The following FAT3 variants were observed in gnomAD, a reference collection of about 807,000 sequenced individuals.
The protein encoded by FAT3 is protocadherin Fat 3.
Under a neutral mutation model 310.2 loss-of-function variants are expected in FAT3, and 95 were observed. That is an observed-to-expected ratio of 0.31 (90% CI 0.26 to 0.36). The LOEUF (loss-of-function observed/expected upper bound fraction) is 0.36, where lower values mean the gene tolerates loss of function less well. FAT3 is among the 10% of genes least tolerant of loss of function. The pLI is 1.00. For missense variants in FAT3, 5,408 were observed against 5,715.6 expected (o/e 0.95, Z 1.74); for synonymous variants, 2,314 against 2,192.9 (o/e 1.06, Z -1.54).
Position 92,426,344 on chromosome 11 carries a change from G to A in FAT3, c.3292+70940G>A, listed in dbSNP as rs540225584. ...ATTATGTAGGTTGCCTGTTCACTCT[G>A]ATGATAGTTTCTTTTGCTGTGCAGA... On this transcript the variant is annotated intron_variant, in intron 2 of 27. Transcript: ENST00000525166. 4.6e-5 allele frequency among the ~76,000 whole-genome samples: 7 copies of A among 152,236 alleles called. No individual in the cohort carries two copies. The South Asian group carries it at 1.5e-3, about 32-fold the overall frequency.
chr11:92,307,267 C>T (rs577666739), intron 1 of FAT3, among the ~76,000 whole-genome samples: 22 of 151,298 alleles, frequency 1.5e-4, no homozygotes, highest in Non-Finnish European at 2.9e-4. Flanking sequence ...CATCCTGGCT[C>T]ATTTTCAAAA....
intron 3 of FAT3, among the ~76,000 whole-genome samples, chr11:92,564,297 T>C (rs12281855): frequency 0.15 from 22,618 of 150,862 alleles, 1,862 homozygotes; most frequent in East Asian, 0.29. Flanking sequence ...AGAAGGCCAT[T>C]ACATAATGGT....
At chr11:92,505,527 A>G (rs866644136) in intron 2 of FAT3, among the ~76,000 whole-genome samples, 10 of 152,176 alleles carry the variant, frequency 6.6e-5, no homozygotes, top group Middle Eastern at 3.2e-3. Flanking sequence ...ACAGAGCTAC[A>G]TCTGCCGCAG....
At chr11:92,859,039 G>A (rs940875893) in intron 20 of FAT3, 126 bp from the exon 21 acceptor site, 4 of 755,710 alleles carry the variant, frequency 5.3e-6, no homozygotes, top group Non-Finnish European at 7.8e-6. Context: ...TCTCCTCATT[G>A]CCTTCATTAA....
chr11:92,396,837 G>T (rs562025835), intron 2 of FAT3, among the ~76,000 whole-genome samples: 1 of 152,230 alleles, frequency 6.6e-6, no homozygotes, highest in African/African-American at 2.4e-5. Context: ...CTCCCAAGTA[G>T]CTGGGATTAC....
At chr11:92,489,591 G>T (rs536398687) in intron 2 of FAT3, among the ~76,000 whole-genome samples, 6 of 151,944 alleles carry the variant, frequency 3.9e-5, no homozygotes, top group African/African-American at 7.2e-5. Flanking sequence ...TTTTAAAAAA[G>T]TACAAAAAAA....
In FAT3 at chr11:92,353,061, G is replaced by C; in HGVS notation, c.949G>C (p.Glu317Gln). 6.2e-7 allele frequency: 1 copy of C among 1,613,702 alleles called. No homozygotes were observed. The highest frequency in any genetic ancestry group is 1.1e-5 in the South Asian group (1 of 91,078). Residue 317 changes from glutamate (E) to glutamine (Q), a missense_variant, in exon 2 of 28, where the codon GAA becomes CAA. Glu to Gln is a conservative substitution (Grantham distance 29). Around this residue, in one of 5 missense-constraint regions of FAT3, gnomAD observed 4,588 missense variants for 4,809.8 expected, o/e 0.95. Coordinates refer to ENST00000525166, the MANE Select transcript of FAT3 (RefSeq NM_001367949.2). ...TTTAGATCAGTTCTTCCTGGCTAAG[G>C]AAGGAAAGTGGTTGAATGAGTACAA... ...DPLDQFFLAK[E>Q]GKWLNEYKIK...
intron 1 of FAT3, among the ~76,000 whole-genome samples, chr11:92,261,170 C>T (rs1865538303): frequency 6.6e-6 from 1 of 151,864 alleles, no homozygotes; most frequent in South Asian, 2.1e-4. Context: ...TTTTCAGAGG[C>T]AAAATTATTT....
intron 1 of FAT3, among the ~76,000 whole-genome samples, chr11:92,303,070 GT>G (rs1309041590): frequency 6.6e-6 from 1 of 152,112 alleles, no homozygotes; most frequent in Non-Finnish European, 1.5e-5. Flanking sequence ...ATCTACCGAA[GT>G]AGGCACTAAA....
At chr11:92,238,153 T>G (rs577617460) in intron 1 of FAT3, among the ~76,000 whole-genome samples, 1 of 152,082 alleles carries the variant, frequency 6.6e-6, no homozygotes, top group South Asian at 2.1e-4. Flanking sequence ...AGGAGGAGGG[T>G]TTCATATTCT....
At chr11:92,553,576 A>G (rs1490074207) in intron 3 of FAT3, among the ~76,000 whole-genome samples, 1 of 152,228 alleles carries the variant, frequency 6.6e-6, no homozygotes, top group Non-Finnish European at 1.5e-5. Context: ...AAAACAATGA[A>G]GGAACCTGGG....
At chr11:92,575,118 G>T (rs776963516) in intron 3 of FAT3, among the ~76,000 whole-genome samples, 20 of 151,994 alleles carry the variant, frequency 1.3e-4, no homozygotes, top group Non-Finnish European at 2.2e-4. Context: ...TTAGTTAGTT[G>T]TCCTGTTGTT....
chr11:92,881,292 C>T (rs1949665611), intron 23 of FAT3, among the ~76,000 whole-genome samples: 1 of 152,154 alleles, frequency 6.6e-6, no homozygotes, highest in South Asian at 2.1e-4. Context: ...CTGAAACTTA[C>T]CTTCCCTTTG....
At chr11:92,337,729 C>A (rs553639632) in intron 1 of FAT3, among the ~76,000 whole-genome samples, 1 of 152,224 alleles carries the variant, frequency 6.6e-6, no homozygotes, top group South Asian at 2.1e-4. Context: ...CCGCACTTGA[C>A]GGAAAGTAGT....
chr11:92,759,148 T>C lies in FAT3; in HGVS notation c.3670-2708T>C, dbSNP rs78251297. Among the ~76,000 whole-genome samples the C allele has an allele frequency of 0.014, 2,105 of 152,186 alleles. 128 individuals are homozygous for C. The East Asian group carries it at 0.2, about 15-fold the overall frequency. On this transcript the variant is annotated intron_variant, in intron 4 of 27. Transcript: ENST00000525166. ...TGGCAAAAAGGCAGGAAAAGCAGAT[T>C]GGAGCTATGTTGTTAAGGCCCTTGA... is the stretch of plus-strand genomic sequence containing the variant.
chr11:92,844,005 C>A lies in FAT3; in HGVS notation c.10638C>A (p.Thr3546=). The change falls in exon 19 of 28, where the codon ACC becomes ACA. Residue 3546 remains threonine, a synonymous_variant. Coordinates refer to ENST00000525166, the MANE Select transcript of FAT3 (RefSeq NM_001367949.2). ...YIRVRVIEES[T]HKPTAIPLEI... ...GCGTGCGAGTCATTGAGGAAAGCAC[C>A]CACAAGCCCACAGCCATTCCCCTGG... 1 of 1,613,942 alleles carries A rather than the reference C, an allele frequency of 6.2e-7. No homozygotes were observed. Among genetic ancestry groups the A allele is most frequent in the Non-Finnish European group, 8.5e-7 (1 of 1,179,882 alleles).
chr11:92,420,616 C>T (rs188987859), intron 2 of FAT3, among the ~76,000 whole-genome samples: 1 of 151,492 alleles, frequency 6.6e-6, no homozygotes, highest in Non-Finnish European at 1.5e-5. Flanking sequence ...AGAGAACTAT[C>T]CATCATAACT....
At chr11:92,465,276 A>G (rs1016798983) in intron 2 of FAT3, among the ~76,000 whole-genome samples, 69 of 152,328 alleles carry the variant, frequency 4.5e-4, no homozygotes, top group African/African-American at 1.6e-3. Context: ...ATTGGTTAGC[A>G]TTGTGCCAGA....
intron 3 of FAT3, among the ~76,000 whole-genome samples, chr11:92,675,081 G>A (rs1475420476): frequency 6.6e-6 from 1 of 152,058 alleles, no homozygotes; most frequent in Non-Finnish European, 1.5e-5. Context: ...GGTGCCCTGA[G>A]GATTCATTTC....
Sources: allele counts gnomAD v4.1 joint callset (sites outside exome capture counted in the v4.1 genomes callset), GRCh38; gene constraint gnomAD v4.1.1; regional missense constraint gnomAD v4.1.1; transcripts MANE v1.5; gene names NCBI Gene and HGNC (gene_info 2026-07-23, HGNC 2026-07-21).